Variants in SLC17A4 observed in about 807,000 individuals in gnomAD.
The protein encoded by SLC17A4 is solute carrier family 17 member 4, also known as probable small intestine urate exporter.
In SLC17A4, 33 loss-of-function variants were observed where a neutral mutation model predicts 52.5. The observed-to-expected ratio is 0.63, with a 90% CI of 0.48 to 0.84. SLC17A4 has a LOEUF of 0.84. Ranked by LOEUF, SLC17A4 falls within the 40% of genes least tolerant of loss-of-function variation. SLC17A4 has a pLI of 0.00. For missense variants in SLC17A4, 585 were observed against 597.1 expected (o/e 0.98, Z 0.21); for synonymous variants, 225 against 216.2 (o/e 1.04, Z -0.36).
Position 25,770,463 on chromosome 6 carries a change from C to T in SLC17A4, c.611C>T (p.Ala204Val). 1.2e-6 allele frequency: 2 copies of T among 1,613,992 alleles called. No individual in the cohort carries two copies. Among genetic ancestry groups the T allele is most frequent in the Non-Finnish European group, 1.7e-6 (2 of 1,179,888 alleles). The change falls in exon 5 of 12, where the codon GCT becomes GTT. Residue 204 changes from alanine (A) to valine (V), a missense_variant. Transcript: ENST00000377905. ...GAAAGGAGTCAACTCACCACCATTG[C>T]TGGATCAGGTAACTGGTACCCTAAA... ...PLERSQLTTI[A>V]GSGSMLGSFI...
chr6:25,761,264 C>T (rs1438019620), intron 1 of SLC17A4, among the ~76,000 whole-genome samples: 1 of 152,182 alleles, frequency 6.6e-6, no homozygotes, highest in Non-Finnish European at 1.5e-5. Flanking sequence ...GGGGAAGAGC[C>T]TCTGTAACCA....
At chr6:25,755,126 T>A (rs1302228370) in intron 1 of SLC17A4, among the ~76,000 whole-genome samples, 1 of 151,362 alleles carries the variant, frequency 6.6e-6, no homozygotes. Flanking sequence ...CTAAATGATA[T>A]ATTTGGATTG....
intron 2 of SLC17A4, chr6:25,768,390 C>T (rs1762197288): frequency 1.0e-6 from 1 of 987,300 alleles, no homozygotes; most frequent in Admixed American, 6.0e-5. Flanking sequence ...TGGACTCAAC[C>T]ACAGGGATAT....
chr6:25,756,239 C>G (rs1761003587), intron 1 of SLC17A4, among the ~76,000 whole-genome samples: 1 of 152,134 alleles, frequency 6.6e-6, no homozygotes, highest in African/African-American at 2.4e-5. Flanking sequence ...CTCATTCACT[C>G]TGCATCGCCA....
chr6:25,761,472 A>C (rs1159514160), intron 1 of SLC17A4, among the ~76,000 whole-genome samples: 2 of 152,206 alleles, frequency 1.3e-5, no homozygotes, highest in Non-Finnish European at 2.9e-5. Flanking sequence ...CGGTGGAGAT[A>C]TCTCTTACTG....
rs771074520 is a variant in SLC17A4, at chr6:25,770,443, G to A, written c.591G>A (p.Arg197=). 1.9e-6 allele frequency: 3 copies of A among 1,614,034 alleles called. No homozygotes were observed. Among genetic ancestry groups the A allele is most frequent in the Non-Finnish European group, 2.5e-6 (3 of 1,179,950 alleles). The stretch of plus-strand genomic sequence containing the variant: ...TCAAATGGGCTCCCCCACTGGAAAG[G>A]AGTCAACTCACCACCATTGCTGGAT... ...IWVKWAPPLE[R]SQLTTIAGSG... Residue 197 remains arginine, a synonymous_variant, in exon 5 of 12, where the codon AGG becomes AGA. Transcript: ENST00000377905.
intron 2 of SLC17A4, among the ~76,000 whole-genome samples, chr6:25,762,791 T>C (rs184863348): frequency 6.6e-6 from 1 of 152,306 alleles, no homozygotes; most frequent in East Asian, 1.9e-4. Context: ...AACCTACAAC[T>C]AGTCACCATT....
At chr6:25,764,375 T>C (rs868803068) in intron 2 of SLC17A4, among the ~76,000 whole-genome samples, 1 of 152,134 alleles carries the variant, frequency 6.6e-6, no homozygotes, top group African/African-American at 2.4e-5. Context: ...CCCCCCACCA[T>C]GGGGAAGAAT....
intron 11 of SLC17A4, 147 bp from the exon 12 acceptor site, chr6:25,778,907 T>C (rs982679640): frequency 5.2e-6 from 5 of 953,210 alleles, no homozygotes; most frequent in Non-Finnish European, 8.0e-6. Flanking sequence ...AGAAATGTAC[T>C]TGAGTATTCT....
intron 2 of SLC17A4, 109 bp downstream of exon 2, chr6:25,762,162 T>C: frequency 2.3e-6 from 2 of 852,230 alleles, no homozygotes; most frequent in Non-Finnish European, 3.6e-6. Context: ...TTGATACACA[T>C]CATTTTCCTT....
intron 2 of SLC17A4, 59 bp from the exon 3 acceptor site, chr6:25,768,926 T>G: frequency 1.4e-6 from 2 of 1,471,366 alleles, no homozygotes; most frequent in Non-Finnish European, 1.9e-6. Flanking sequence ...TCTTCCAGAC[T>G]TAGGGAGAGT....
chr6:25,775,082 C>T (rs1561811849), intron 8 of SLC17A4, among the ~76,000 whole-genome samples: 1 of 152,154 alleles, frequency 6.6e-6, no homozygotes, highest in Non-Finnish European at 1.5e-5. Flanking sequence ...ATAATCCCAA[C>T]ACTTTGGGAG....
intron 2 of SLC17A4, 145 bp from the exon 3 acceptor site, chr6:25,768,840 A>G (rs938499221): frequency 1.3e-6 from 1 of 760,624 alleles, no homozygotes; most frequent in Non-Finnish European, 2.1e-6. Context: ...GGGGAACAAA[A>G]TTCCACTACA....
intron 1 of SLC17A4, among the ~76,000 whole-genome samples, chr6:25,755,727 A>G (rs997887232): frequency 6.6e-6 from 1 of 152,208 alleles, no homozygotes. Flanking sequence ...GGACTCACAG[A>G]CACAAAACTT....
chr6:25,770,025 T>C (rs1762348646), intron 3 of SLC17A4, 42 bp from the exon 4 acceptor site: 1 of 1,581,086 alleles, frequency 6.3e-7, no homozygotes, highest in Admixed American at 1.7e-5. Flanking sequence ...AAACTGTCAA[T>C]CCTTCAACTA....
intron 7 of SLC17A4, 41 bp downstream of exon 7, chr6:25,773,434 T>C (rs754104302): frequency 6.2e-7 from 1 of 1,612,160 alleles, no homozygotes; most frequent in South Asian, 1.1e-5. Flanking sequence ...TATGTCCCTC[T>C]AGACGTCTGA....
intron 6 of SLC17A4, among the ~76,000 whole-genome samples, chr6:25,771,830 A>G (rs1032483840): frequency 1.3e-5 from 2 of 152,162 alleles, no homozygotes; most frequent in Non-Finnish European, 2.9e-5. Flanking sequence ...AGTGGACATA[A>G]TACACAGAGA....
intron 6 of SLC17A4, 33 bp downstream of exon 6, chr6:25,771,045 G>C: frequency 1.3e-6 from 2 of 1,524,754 alleles, no homozygotes; most frequent in Non-Finnish European, 1.8e-6. Flanking sequence ...CAATTTTTAT[G>C]ACAGAGACTT....
chr6:25,777,606 C>A lies in SLC17A4; in HGVS notation c.1269-320C>A, dbSNP rs181487906. The A allele has an allele frequency of 3.3e-3, 652 of 197,494 alleles. 3 individuals carry two copies. Among genetic ancestry groups the A allele is most frequent in the African/African-American group, 0.015 (573 of 39,042 alleles). 12.2% of individuals were successfully genotyped at this position (197,494 alleles called of 1,614,324 possible). ...ACAACAACAACAACAACAACAACAA[C>A]AAAAACCTTACAAACCAGGTGCAGA... On this transcript the variant is annotated intron_variant, in intron 10 of 11. Coordinates refer to ENST00000377905, the MANE Select transcript of SLC17A4 (RefSeq NM_005495.3).
Sources: allele counts gnomAD v4.1 joint callset (sites outside exome capture counted in the v4.1 genomes callset), GRCh38; gene constraint gnomAD v4.1.1; transcripts MANE v1.5; gene names NCBI Gene and HGNC (gene_info 2026-07-23, HGNC 2026-07-21).